Variants in KALRN observed in about 807,000 individuals in gnomAD.
KALRN encodes the protein kalirin.
Under a neutral mutation model 353.7 loss-of-function variants are expected in KALRN, and 70 were observed. The observed-to-expected ratio is 0.20, with a 90% CI of 0.16 to 0.24. The LOEUF is 0.24. Ranked by LOEUF, KALRN falls within the 10% of genes least tolerant of loss-of-function variation. KALRN has a pLI of 1.00. For missense variants in KALRN, 2,791 were observed against 3,756.7 expected (o/e 0.74, Z 6.72); for synonymous variants, 1,391 against 1,434.8 (o/e 0.97, Z 0.69).
At chr3:124,199,669 C>T (rs538715615) in intron 1 of KALRN, among the ~76,000 whole-genome samples, 5 of 152,226 alleles carry the variant, frequency 3.3e-5, no homozygotes, top group South Asian at 4.2e-4. Context: ...GAACAGTGGC[C>T]GGGCAATTAC....
chr3:124,253,021 T>C (rs1235794676), intron 3 of KALRN, among the ~76,000 whole-genome samples: 1 of 152,250 alleles, frequency 6.6e-6, no homozygotes, highest in Non-Finnish European at 1.5e-5. Flanking sequence ...ATTAGAGAAC[T>C]TAAAGCAGGT....
In KALRN at chr3:124,551,158, G is replaced by T. The variant is rs138397962; in HGVS notation, c.4936-11685G>T. ...AGGAGGCATGATGTCATGAACCAGA[G>T]GTGAGGCATGGGGAAGCAGTCAGTC... is the stretch of plus-strand genomic sequence containing the variant. On this transcript the variant is annotated intron_variant, in intron 33 of 59. Transcript: ENST00000682506. 8.2e-3 allele frequency among the ~76,000 whole-genome samples: 1,249 copies of T among 152,278 alleles called. 19 individuals are homozygous for T. Among genetic ancestry groups the T allele is most frequent in the Admixed American group, 0.028 (430 of 15,298 alleles).
intron 19 of KALRN, among the ~76,000 whole-genome samples, chr3:124,442,810 C>A (rs1256494278): frequency 6.6e-6 from 1 of 152,030 alleles, no homozygotes; most frequent in Non-Finnish European, 1.5e-5. Flanking sequence ...CATATTGAGA[C>A]CCCATCTCTA....
At chr3:124,299,051 T>C in intron 6 of KALRN, 138 bp downstream of exon 6, 2 of 1,133,544 alleles carry the variant, frequency 1.8e-6, no homozygotes, top group Non-Finnish European at 2.6e-6. Context: ...TTTGTTGGAA[T>C]GGGGATGAGT....
intron 10 of KALRN, among the ~76,000 whole-genome samples, chr3:124,371,203 G>C (rs1049405195): frequency 9.8e-5 from 15 of 152,300 alleles, no homozygotes; most frequent in Admixed American, 6.5e-4. Flanking sequence ...AAGTTAGTAT[G>C]AGTTTATTTT....
At chr3:124,546,340 T>G (rs2069659416) in intron 33 of KALRN, among the ~76,000 whole-genome samples, 1 of 150,722 alleles carries the variant, frequency 6.6e-6, no homozygotes, top group Non-Finnish European at 1.5e-5. Context: ...GCATGTACCT[T>G]GTAGTCCCAG....
intron 1 of KALRN, among the ~76,000 whole-genome samples, chr3:124,059,174 T>A (rs1418818895): frequency 6.6e-6 from 1 of 152,242 alleles, no homozygotes; most frequent in Admixed American, 6.5e-5. Flanking sequence ...ACTTAGTAGA[T>A]CTGTTGATTA....
intron 34 of KALRN, among the ~76,000 whole-genome samples, chr3:124,616,018 G>A (rs776013133): frequency 6.6e-6 from 1 of 152,142 alleles, no homozygotes; most frequent in Non-Finnish European, 1.5e-5. Context: ...GAGACCCTAA[G>A]CCTTCACACT....
chr3:124,415,439 C>A (rs1018938433), intron 14 of KALRN, among the ~76,000 whole-genome samples: 5 of 152,336 alleles, frequency 3.3e-5, no homozygotes, highest in African/African-American at 1.2e-4. Flanking sequence ...ATTAGCATCA[C>A]CTGAGGATGT....
chr3:124,499,646 T>C (rs982861014), intron 33 of KALRN, among the ~76,000 whole-genome samples: 2 of 152,208 alleles, frequency 1.3e-5, no homozygotes, highest in Non-Finnish European at 2.9e-5. Context: ...AAAAAGAACT[T>C]TACTCTCTTT....
intron 3 of KALRN, among the ~76,000 whole-genome samples, chr3:124,254,903 C>T (rs1022736131): frequency 1.2e-4 from 18 of 152,122 alleles, no homozygotes; most frequent in Admixed American, 4.6e-4. Flanking sequence ...TGTTTGACTC[C>T]TCAGGGCCTT....
intron 1 of KALRN, among the ~76,000 whole-genome samples, chr3:124,038,608 GA>G (rs1044769676): frequency 1.3e-5 from 2 of 152,022 alleles, no homozygotes; most frequent in Non-Finnish European, 1.5e-5. Flanking sequence ...AGGTGCAAAG[GA>G]AAAAAAGTAA....
intron 59 of KALRN, among the ~76,000 whole-genome samples, chr3:124,718,122 A>T (rs1337148235): frequency 1.4e-4 from 18 of 126,954 alleles, no homozygotes; most frequent in Non-Finnish European, 1.6e-4. Flanking sequence ...CATTATGACT[A>T]TTTTTTTTTT....
chr3:124,357,483 C>T (rs1267521810), intron 10 of KALRN, among the ~76,000 whole-genome samples: 1 of 152,156 alleles, frequency 6.6e-6, no homozygotes, highest in Admixed American at 6.5e-5. Context: ...ACCTTTTACC[C>T]CTCCTGTGTT....
intron 1 of KALRN, among the ~76,000 whole-genome samples, chr3:124,136,911 A>C (rs2065985702): frequency 6.6e-6 from 1 of 152,192 alleles, no homozygotes; most frequent in South Asian, 2.1e-4. Flanking sequence ...AGTGATGGAA[A>C]CAGGGCGGAG....
intron 17 of KALRN, among the ~76,000 whole-genome samples, chr3:124,438,436 A>C (rs953122480): frequency 6.6e-6 from 1 of 152,084 alleles, no homozygotes; most frequent in Non-Finnish European, 1.5e-5. Context: ...TGTAAACCAT[A>C]CAACATAGGC....
chr3:124,308,776 C>T (rs996188940), intron 6 of KALRN, among the ~76,000 whole-genome samples: 6 of 150,858 alleles, frequency 4.0e-5, no homozygotes, highest in South Asian at 2.1e-4. Context: ...GAAGAGCAAA[C>T]GAAACCTAAA....
At chr3:124,230,993 T>C (rs1007113589) in intron 2 of KALRN, among the ~76,000 whole-genome samples, 1 of 152,214 alleles carries the variant, frequency 6.6e-6, no homozygotes, top group Non-Finnish European at 1.5e-5. Context: ...TTGGATTTCT[T>C]TCTGAGAAGA....
At chr3:124,046,622 G>A (rs531861769) in intron 1 of KALRN, among the ~76,000 whole-genome samples, 5 of 152,162 alleles carry the variant, frequency 3.3e-5, no homozygotes, top group Non-Finnish European at 7.4e-5. Context: ...ACTCTGGAGC[G>A]GGGATAAAAA....
Sources: gnomAD v4.1 joint callset for allele counts (sites outside exome capture counted in the v4.1 genomes callset) on GRCh38, gnomAD v4.1.1 for gene constraint, MANE v1.5 for transcripts, NCBI Gene and HGNC (gene_info 2026-07-23, HGNC 2026-07-21) for gene names.